LATS2: variants seen among roughly 807,000 people sequenced by gnomAD.
LATS2 encodes serine/threonine-protein kinase LATS2.
A neutral mutation model predicts 76.0 loss-of-function variants in LATS2; 24 were observed. That is an observed-to-expected ratio of 0.32 (90% CI 0.23 to 0.44). The LOEUF is 0.44. Ranked by LOEUF, LATS2 falls within the 20% of genes least tolerant of loss-of-function variation. The pLI is 1.00. For missense variants in LATS2, 1,286 were observed against 1,481.2 expected (o/e 0.87, Z 2.16); for synonymous variants, 692 against 635.4 (o/e 1.09, Z -1.34).
At position 21,061,354 on chromosome 13, in the gene LATS2, G is replaced by C. The variant is rs1873641759; in HGVS notation, c.-213C>G. ...GCTCCCAGCCCCCTCACCTCCAGGG[G>C]CGCGGTCTACACCCTCGGGGGCGTC... On this transcript the variant is annotated 5_prime_UTR_variant, in exon 1 of 8. Transcript: ENST00000382592. 6.6e-6 allele frequency: 1 copy of C among 152,292 alleles called. No homozygotes were observed. The highest frequency in any genetic ancestry group is 2.1e-4 in the South Asian group (1 of 4,836). 9.4% of individuals were successfully genotyped at this position (152,292 alleles called of 1,614,324 possible).
intron 2 of LATS2, among the ~76,000 whole-genome samples, chr13:21,003,444 CTTTT>C (rs60233146): frequency 7.0e-6 from 1 of 142,592 alleles, no homozygotes; most frequent in African/African-American, 2.6e-5. Flanking sequence ...CTTTTTTTTC[CTTTT>C]TTTTTTTTTA....
chr13:21,050,330 A>C (rs930292407), intron 1 of LATS2, among the ~76,000 whole-genome samples: 2 of 151,602 alleles, frequency 1.3e-5, no homozygotes, highest in Non-Finnish European at 2.9e-5. Context: ...ATAGCATCCA[A>C]ATCAAGAAGT....
chr13:20,989,566 G>A (rs1449720227), intron 3 of LATS2, among the ~76,000 whole-genome samples: 2 of 152,184 alleles, frequency 1.3e-5, no homozygotes, highest in Non-Finnish European at 2.9e-5. Context: ...AGAAGACTGC[G>A]TCCACATCCC....
At chr13:21,003,758 G>T (rs113663127) in intron 2 of LATS2, among the ~76,000 whole-genome samples, 6 of 151,832 alleles carry the variant, frequency 4.0e-5, no homozygotes, top group African/African-American at 1.4e-4. Flanking sequence ...TTGTCTTTTT[G>T]GTAGAGAGAG....
At chr13:21,047,065 C>T (rs566291234) in intron 1 of LATS2, among the ~76,000 whole-genome samples, 5 of 152,224 alleles carry the variant, frequency 3.3e-5, no homozygotes, top group South Asian at 4.2e-4. Context: ...GAAATGGCCT[C>T]GTTACATGGA....
At chr13:21,024,897 C>T (rs955286734) in intron 2 of LATS2, among the ~76,000 whole-genome samples, 1 of 152,188 alleles carries the variant, frequency 6.6e-6, no homozygotes, top group Non-Finnish European at 1.5e-5. Context: ...TCCAAAGCCA[C>T]GCATGGCCTG....
chr13:21,060,885 G>T (rs547625999), intron 1 of LATS2, among the ~76,000 whole-genome samples: 49 of 151,382 alleles, frequency 3.2e-4, no homozygotes, highest in Non-Finnish European at 5.8e-4. Context: ...AGGGGCGCCC[G>T]GCCGGGCGTC....
chr13:21,033,962 T>G (rs886433056), intron 2 of LATS2, among the ~76,000 whole-genome samples: 14 of 152,232 alleles, frequency 9.2e-5, no homozygotes, highest in African/African-American at 3.1e-4. Context: ...GTGATTTCTG[T>G]GGGACAGGGG....
At chr13:21,033,921 C>T (rs1872610491) in intron 2 of LATS2, among the ~76,000 whole-genome samples, 1 of 152,080 alleles carries the variant, frequency 6.6e-6, no homozygotes, top group South Asian at 2.1e-4. Flanking sequence ...AGGACACACA[C>T]ATTCCACAAG....
chr13:21,060,373 C>A (rs1873591988), intron 1 of LATS2, among the ~76,000 whole-genome samples: 1 of 152,246 alleles, frequency 6.6e-6, no homozygotes, highest in African/African-American at 2.4e-5. Flanking sequence ...AAAGCCAAAC[C>A]CCCCACACGT....
chr13:20,997,771 G>C (rs926196229), intron 2 of LATS2, among the ~76,000 whole-genome samples: 10 of 152,222 alleles, frequency 6.6e-5, no homozygotes, highest in African/African-American at 2.2e-4. Context: ...CTCTTAGCAA[G>C]GCAGGAGCTG....
intron 2 of LATS2, among the ~76,000 whole-genome samples, chr13:21,029,988 G>C (rs956637006): frequency 4.6e-5 from 7 of 151,876 alleles, no homozygotes; most frequent in African/African-American, 1.7e-4. Flanking sequence ...GCAGGGCATG[G>C]TGGCATGCAC....
At chr13:21,044,847 A>G (rs1873007735) in intron 2 of LATS2, among the ~76,000 whole-genome samples, 1 of 125,214 alleles carries the variant, frequency 8.0e-6, no homozygotes, top group South Asian at 3.1e-4. Flanking sequence ...CTCCTGCCTC[A>G]GCATCCCATG....
chr13:20,981,690 T>C (rs1283914684), intron 5 of LATS2, 42 bp from the exon 6 acceptor site: 5 of 1,522,156 alleles, frequency 3.3e-6, no homozygotes, highest in Non-Finnish European at 4.4e-6. Context: ...AAGAACAAAA[T>C]ATAAAGTGAA....
intron 1 of LATS2, among the ~76,000 whole-genome samples, chr13:21,056,348 C>T (rs1456493507): frequency 6.6e-6 from 1 of 152,064 alleles, no homozygotes; most frequent in African/African-American, 2.4e-5. Flanking sequence ...CAGAGTATCA[C>T]TTCTACATAA....
At chr13:21,022,481 T>C (rs966778570) in intron 2 of LATS2, among the ~76,000 whole-genome samples, 27 of 152,176 alleles carry the variant, frequency 1.8e-4, no homozygotes, top group Non-Finnish European at 4.4e-5. Context: ...AGAAGGTTCT[T>C]CCTGTATCCT....
At chr13:20,996,990 C>A (rs1870786650) in intron 2 of LATS2, among the ~76,000 whole-genome samples, 1 of 152,244 alleles carries the variant, frequency 6.6e-6, no homozygotes, top group Admixed American at 6.5e-5. Flanking sequence ...AGCCTCGTCT[C>A]TTCTGGAGAG....
chr13:21,060,745 G>C (rs944801539), intron 1 of LATS2, among the ~76,000 whole-genome samples: 1 of 151,390 alleles, frequency 6.6e-6, no homozygotes. Flanking sequence ...GGGACGACGG[G>C]GCGGCCGGCG....
intron 1 of LATS2, among the ~76,000 whole-genome samples, chr13:21,060,688 G>A (rs1248585308): frequency 1.3e-5 from 2 of 151,606 alleles, no homozygotes; most frequent in Non-Finnish European, 1.5e-5. Flanking sequence ...GGGGCTGAGG[G>A]GCGGCGCGGC....
Sources: allele counts gnomAD v4.1 joint callset (sites outside exome capture counted in the v4.1 genomes callset), GRCh38; gene constraint gnomAD v4.1.1; transcripts MANE v1.5; gene names NCBI Gene and HGNC (gene_info 2026-07-23, HGNC 2026-07-21).